FRMD4A: variants seen among roughly 807,000 people sequenced by gnomAD.
FRMD4A encodes FERM domain-containing protein 4A.
Under a neutral mutation model 129.1 loss-of-function variants are expected in FRMD4A, and 29 were observed. The ratio of observed to expected loss-of-function variants is 0.22; its 90% CI spans 0.17 to 0.31. FRMD4A has a LOEUF of 0.31. FRMD4A is among the 10% of genes least tolerant of loss of function. FRMD4A has a pLI of 1.00. For synonymous variants in FRMD4A, 634 were observed against 571.6 expected, an observed-to-expected ratio of 1.11 and a Z score of -1.56; for missense variants, 1,272 against 1,375.8, an observed-to-expected ratio of 0.92 and a Z score of 1.19.
chr10:14,030,154 G>A (rs1350600901), intron 2 of FRMD4A, among the ~76,000 whole-genome samples: 1 of 152,198 alleles, frequency 6.6e-6, no homozygotes, highest in African/African-American at 2.4e-5. Context: ...AGTTACGCAG[G>A]AGGAATAAGT....
chr10:14,106,224 C>A (rs1837580483), intron 2 of FRMD4A, among the ~76,000 whole-genome samples: 1 of 152,190 alleles, frequency 6.6e-6, no homozygotes, highest in South Asian at 2.1e-4. Flanking sequence ...TGTTTCAATT[C>A]ATCCATTACA....
At chr10:13,819,167 T>C (rs1000746756) in intron 3 of FRMD4A, among the ~76,000 whole-genome samples, 17 of 151,942 alleles carry the variant, frequency 1.1e-4, no homozygotes, top group Non-Finnish European at 1.5e-5. Flanking sequence ...CCCCACTCCA[T>C]ATAGTATCAA....
At chr10:13,914,127 G>A (rs2094973974) in intron 2 of FRMD4A, among the ~76,000 whole-genome samples, 1 of 152,244 alleles carries the variant, frequency 6.6e-6, no homozygotes, top group Admixed American at 6.5e-5. Context: ...GCCTTCTGTT[G>A]TCTAAAGCCA....
At chr10:13,962,040 AATG>A (rs2095448847) in intron 2 of FRMD4A, among the ~76,000 whole-genome samples, 2 of 7,006 alleles carry the variant, frequency 2.9e-4, no homozygotes, top group African/African-American at 1.1e-3. Flanking sequence ...AAAACACACG[AATG>A]AATGAATGAA....
chr10:13,764,184 CGTGT>C lies in FRMD4A; in HGVS notation c.385-1508_385-1505del, dbSNP rs369852562. On this transcript the variant is annotated intron_variant, in intron 6 of 24. Coordinates refer to ENST00000357447, the MANE Select transcript of FRMD4A (RefSeq NM_018027.5). Reference sequence around the variant, plus strand: ...CATATCGATCACATCCAAAGATTTCCGTGTGTGTGTGTGTGTGTGTGTGTGTGTG... The same window carrying C: ...CATATCGATCACATCCAAAGATTTCCGTGTGTGTGTGTGTGTGTGTGTGTG... 3.7e-3 allele frequency among the ~76,000 whole-genome samples: 523 copies of C among 141,686 alleles called. 1 individual carries two copies. The highest frequency in any genetic ancestry group is 9.1e-3 in the South Asian group (38 of 4,196). 93.0% of individuals were successfully genotyped at this position (141,686 alleles called of 152,430 possible).
chr10:13,754,492 T>G (rs774376396), intron 8 of FRMD4A, among the ~76,000 whole-genome samples: 1 of 152,134 alleles, frequency 6.6e-6, no homozygotes, highest in African/African-American at 2.4e-5. Context: ...TGTGAAAGAT[T>G]CCATCTGCTC....
At position 13,656,967 on chromosome 10, in the gene FRMD4A, C is replaced by G. The variant is rs1438704914; in HGVS notation, c.2622G>C (p.Thr874=). Residue 874 remains threonine (T), a synonymous_variant, in exon 22 of 25, where the codon ACG becomes ACC. Transcript: ENST00000357447. ...AGCTCTCCTTGAACAGGCCGCCCGC[C>G]GTGTAGGAGTTGGACGTCTTGAACT... ...KAQFKTSNSY[T]AGGLFKESWR... is the part of the protein sequence containing the mutation. 6.5e-7 allele frequency: 1 copy of G among 1,542,558 alleles called. No homozygotes were observed. The highest frequency in any genetic ancestry group is 8.7e-7 in the Non-Finnish European group (1 of 1,151,932).
rs569378724 is a variant in FRMD4A, at chr10:13,657,426, C to T, written c.2163G>A (p.Ser721=). 1.3e-5 allele frequency: 21 copies of T among 1,608,248 alleles called. No individual in the cohort carries two copies. The African/African-American group carries it at 2.2e-4, about 17-fold the overall frequency. The stretch of plus-strand genomic sequence containing the variant: ...AGTCGGGGCTCCCGGTGTCGTTTTC[C>T]GAGCCCAGGAGCTTGCCCTGGGACT... ...SLESQGKLLG[S]ENDTGSPDFY... The change falls in exon 22 of 25, where the codon TCG becomes TCA. Residue 721 remains serine, a synonymous_variant. Transcript: ENST00000357447.
At chr10:14,184,105 TTTTG>T (rs1450679823) in intron 2 of FRMD4A, among the ~76,000 whole-genome samples, 1 of 149,232 alleles carries the variant, frequency 6.7e-6, no homozygotes, top group Non-Finnish European at 1.5e-5. Flanking sequence ...ACATTTCCTT[TTTTG>T]TTTTTCTTTT....
chr10:14,015,005 T>A (rs2095693991), intron 2 of FRMD4A, among the ~76,000 whole-genome samples: 2 of 135,240 alleles, frequency 1.5e-5, no homozygotes, highest in Non-Finnish European at 1.6e-5. Flanking sequence ...ATCTCCTTCC[T>A]TCCTCCCTCC....
At chr10:13,798,227 ATGGTGAAACCC>A (rs896350254) in intron 4 of FRMD4A, among the ~76,000 whole-genome samples, 3 of 152,074 alleles carry the variant, frequency 2.0e-5, no homozygotes, top group African/African-American at 7.2e-5. Context: ...CCTGGCCAAC[ATGGTGAAACCC>A]TGTCTCTACT....
chr10:14,267,427 A>C (rs1389606111), intron 2 of FRMD4A, among the ~76,000 whole-genome samples: 13 of 152,304 alleles, frequency 8.5e-5, no homozygotes, highest in Non-Finnish European at 1.3e-4. Context: ...GAGGCCTGGA[A>C]GTAACCTGTC....
At chr10:14,117,808 GT>G in intron 2 of FRMD4A, among the ~76,000 whole-genome samples, 1 of 152,176 alleles carries the variant, frequency 6.6e-6, no homozygotes. Flanking sequence ...CTTCTTCTGG[GT>G]GAGCAGAAAG....
At chr10:14,045,890 G>A in intron 2 of FRMD4A, among the ~76,000 whole-genome samples, 1 of 145,752 alleles carries the variant, frequency 6.9e-6, no homozygotes, top group Admixed American at 6.9e-5. Flanking sequence ...GTATAATTAT[G>A]ATAGTAAAAC....
intron 2 of FRMD4A, among the ~76,000 whole-genome samples, chr10:13,927,408 A>G (rs1315155363): frequency 1.3e-5 from 2 of 152,230 alleles, no homozygotes; most frequent in South Asian, 2.1e-4. Flanking sequence ...CTGCCCATGA[A>G]TCAGTGCTTG....
intron 2 of FRMD4A, among the ~76,000 whole-genome samples, chr10:14,148,927 C>A (rs1840212771): frequency 6.6e-6 from 1 of 152,142 alleles, no homozygotes; most frequent in South Asian, 2.1e-4. Flanking sequence ...TTACTTCCTG[C>A]ATACATACCC....
At chr10:13,850,924 A>G (rs1417435589) in intron 3 of FRMD4A, among the ~76,000 whole-genome samples, 2 of 152,274 alleles carry the variant, frequency 1.3e-5, no homozygotes, top group African/African-American at 4.8e-5. Context: ...AATTCTATAA[A>G]GAATTGTAGG....
intron 16 of FRMD4A, among the ~76,000 whole-genome samples, chr10:13,672,902 C>T (rs529172494): frequency 6.0e-4 from 92 of 152,348 alleles, no homozygotes; most frequent in Non-Finnish European, 1.1e-3. Context: ...CTACCTGCAA[C>T]TGATTTCTTG....
At chr10:13,783,547 A>T (rs1229563384) in intron 5 of FRMD4A, among the ~76,000 whole-genome samples, 7 of 145,872 alleles carry the variant, frequency 4.8e-5, no homozygotes, top group African/African-American at 1.8e-4. Context: ...ACCACGCCTA[A>T]TTTTTTTTTT....
Sources: gnomAD v4.1 joint callset for allele counts (sites outside exome capture counted in the v4.1 genomes callset) on GRCh38, gnomAD v4.1.1 for gene constraint, MANE v1.5 for transcripts, NCBI Gene and HGNC (gene_info 2026-07-23, HGNC 2026-07-21) for gene names.